The following CDH20 variants were observed in gnomAD, a reference collection of about 807,000 sequenced individuals.
The protein encoded by CDH20 is cadherin-20.
In CDH20, 29 loss-of-function variants were observed where a neutral mutation model predicts 74.2. The ratio of observed to expected loss-of-function variants is 0.39; its 90% CI spans 0.29 to 0.53. The LOEUF is 0.53. CDH20 is among the 20% of genes least tolerant of loss of function. The pLI is 0.69. For missense variants in CDH20, 988 were observed against 1,048.3 expected (o/e 0.94, Z 0.79); for synonymous variants, 469 against 405.4 (o/e 1.16, Z -1.88).
intron 1 of CDH20, among the ~76,000 whole-genome samples, chr18:61,386,989 G>A (rs1471670940): frequency 6.6e-6 from 1 of 152,110 alleles, no homozygotes; most frequent in Non-Finnish European, 1.5e-5. Flanking sequence ...ACAAGGAACT[G>A]TTATAACTCT....
chr18:61,347,550 C>CCACA (rs111673270), intron 1 of CDH20, among the ~76,000 whole-genome samples: 1 of 146,828 alleles, frequency 6.8e-6, no homozygotes, highest in African/African-American at 2.5e-5. Context: ...AAAAAAAAAA[C>CCACA]CACACACACA....
intron 1 of CDH20, among the ~76,000 whole-genome samples, chr18:61,363,301 G>A (rs766456089): frequency 2.0e-5 from 3 of 152,080 alleles, no homozygotes; most frequent in Non-Finnish European, 4.4e-5. Context: ...AGAAGCCCTC[G>A]GTGCAGATCT....
intron 1 of CDH20, among the ~76,000 whole-genome samples, chr18:61,356,849 C>T (rs926597107): frequency 1.3e-5 from 2 of 152,134 alleles, no homozygotes; most frequent in Admixed American, 6.6e-5. Flanking sequence ...CACTAATTAA[C>T]GTTCATCATC....
At chr18:61,344,052 GT>G (rs1429756165) in intron 1 of CDH20, among the ~76,000 whole-genome samples, 1 of 152,152 alleles carries the variant, frequency 6.6e-6, no homozygotes, top group Non-Finnish European at 1.5e-5. Flanking sequence ...TGTGGTGCAT[GT>G]GAACTCTTTC....
At chr18:61,360,730 G>A (rs1210206749) in intron 1 of CDH20, among the ~76,000 whole-genome samples, 1 of 152,212 alleles carries the variant, frequency 6.6e-6, no homozygotes, top group Non-Finnish European at 1.5e-5. Context: ...GTGCATGACA[G>A]GTTAAGTGAA....
intron 1 of CDH20, among the ~76,000 whole-genome samples, chr18:61,396,054 T>A (rs1225628034): frequency 1.5e-5 from 2 of 133,878 alleles, no homozygotes; most frequent in Non-Finnish European, 3.3e-5. Flanking sequence ...TGTGTGTGTT[T>A]GTGTGTGTGT....
intron 1 of CDH20, among the ~76,000 whole-genome samples, chr18:61,454,951 C>A (rs1190294419): frequency 6.6e-6 from 1 of 152,172 alleles, no homozygotes; most frequent in Non-Finnish European, 1.5e-5. Context: ...CTGATCCTGG[C>A]CCTGCTTCAG....
At chr18:61,427,699 A>G (rs945145819) in intron 1 of CDH20, among the ~76,000 whole-genome samples, 44 of 152,356 alleles carry the variant, frequency 2.9e-4, no homozygotes, top group African/African-American at 1.0e-3. Flanking sequence ...TGCTTCTCTT[A>G]TCACAAACTG....
intron 1 of CDH20, among the ~76,000 whole-genome samples, chr18:61,397,737 C>T (rs372573704): frequency 2.8e-4 from 42 of 152,088 alleles, no homozygotes; most frequent in Non-Finnish European, 4.3e-4. Flanking sequence ...ACTTACTAGC[C>T]GTGTAACCTT....
At chr18:61,469,348 G>A (rs1309470321) in intron 1 of CDH20, among the ~76,000 whole-genome samples, 1 of 147,904 alleles carries the variant, frequency 6.8e-6, no homozygotes, top group Non-Finnish European at 1.5e-5. Flanking sequence ...CTTAACCCCA[G>A]TTGGATGAGA....
intron 6 of CDH20, among the ~76,000 whole-genome samples, chr18:61,515,035 G>A (rs1210551645): frequency 1.3e-5 from 2 of 152,022 alleles, no homozygotes; most frequent in Admixed American, 6.6e-5. Context: ...CACCCAGTTC[G>A]AGCTTCCTGG....
At chr18:61,438,057 A>T (rs1166684904) in intron 1 of CDH20, among the ~76,000 whole-genome samples, 1 of 152,184 alleles carries the variant, frequency 6.6e-6, no homozygotes, top group East Asian at 1.9e-4. Context: ...AGTGAGATCA[A>T]TGGTATCTAA....
intron 1 of CDH20, among the ~76,000 whole-genome samples, chr18:61,455,091 T>G (rs1178904704): frequency 6.6e-6 from 1 of 152,222 alleles, no homozygotes; most frequent in Non-Finnish European, 1.5e-5. Flanking sequence ...TTCTATGATT[T>G]CTATTTTTAA....
chr18:61,515,159 G>T (rs554888210), intron 6 of CDH20, among the ~76,000 whole-genome samples: 2 of 151,556 alleles, frequency 1.3e-5, no homozygotes, highest in South Asian at 4.2e-4. Context: ...GAGACTCCGT[G>T]GGCCTAGGAC....
At chr18:61,452,899 A>G (rs1909442147) in intron 1 of CDH20, among the ~76,000 whole-genome samples, 1 of 152,308 alleles carries the variant, frequency 6.6e-6, no homozygotes, top group East Asian at 1.9e-4. Context: ...AATTCAAACA[A>G]AAGTATTTTC....
At chr18:61,420,076 G>A (rs1021735924) in intron 1 of CDH20, among the ~76,000 whole-genome samples, 24 of 152,082 alleles carry the variant, frequency 1.6e-4, no homozygotes, top group Non-Finnish European at 1.6e-4. Context: ...TCACAATATT[G>A]TTGATTTGTA....
chr18:61,339,807 C>T (rs1024678154), intron 1 of CDH20, among the ~76,000 whole-genome samples: 2 of 151,320 alleles, frequency 1.3e-5, no homozygotes, highest in African/African-American at 4.9e-5. Flanking sequence ...CCTGCCTCAG[C>T]CTCCCAAGTA....
intron 8 of CDH20, among the ~76,000 whole-genome samples, chr18:61,538,620 G>GTTTTTTTTTTTTTTTTTTTTTTTTTT (rs746315637): frequency 2.4e-5 from 1 of 41,544 alleles, no homozygotes; most frequent in Non-Finnish European, 5.0e-5. Context: ...TTTTGTTTTT[G>GTTTTTTTTTTTTTTTTTTTTTTTTTT]TTTTGTTTTT....
intron 1 of CDH20, among the ~76,000 whole-genome samples, chr18:61,449,765 T>A (rs11660047): frequency 0.23 from 34,050 of 149,116 alleles, 3,982 homozygotes; most frequent in African/African-American, 0.28. Context: ...TAGAAAAAAA[T>A]ATATATATAT....
Sources: allele counts gnomAD v4.1 joint callset (sites outside exome capture counted in the v4.1 genomes callset), GRCh38; gene constraint gnomAD v4.1.1; transcripts MANE v1.5; gene names NCBI Gene and HGNC (gene_info 2026-07-23, HGNC 2026-07-21).